The following FOXP2 variants were observed in gnomAD, a reference collection of about 807,000 sequenced individuals.
The protein encoded by FOXP2 is forkhead box protein P2.
FOXP2 carries 12 observed loss-of-function variants against 115.8 expected under a neutral mutation model. The ratio of observed to expected loss-of-function variants is 0.10; its 90% confidence interval spans 0.07 to 0.17. The LOEUF (loss-of-function observed/expected upper bound fraction) is 0.17. Among genes scored for constraint, FOXP2 ranks in the 10% least tolerant of loss-of-function variants. The pLI, the probability that FOXP2 is intolerant of heterozygous loss-of-function variation, is 1.00. For missense variants in FOXP2, 629 were observed against 843.5 expected (o/e 0.75, Z 3.15); for synonymous variants, 328 against 297.7 (o/e 1.10, Z -1.05).
At chr7:114,566,931 C>G (rs1203368248) in intron 3 of FOXP2, among the ~76,000 whole-genome samples, 1 of 151,766 alleles carries the variant, frequency 6.6e-6, no homozygotes, top group Non-Finnish European at 1.5e-5. Flanking sequence ...ATCAACCTTG[C>G]AAAAAATATT....
intron 1 of FOXP2, among the ~76,000 whole-genome samples, chr7:114,280,077 C>CAAATAAATAAAT (rs141041172): frequency 1.7e-4 from 24 of 142,942 alleles, no homozygotes; most frequent in African/African-American, 3.9e-4. Flanking sequence ...GACTCTCAGG[C>CAAATAAATAAAT]AAATAAATAA....
rs61732741 is a variant in FOXP2, at chr7:114,631,671, C to G, written c.741C>G (p.Gly247=). 2 of 1,614,116 alleles carry G rather than the reference C, an allele frequency of 1.2e-6. No homozygotes were observed. The highest frequency in any genetic ancestry group is 2.7e-5 in the African/African-American group (2 of 75,032). The change falls in exon 6 of 17, where the codon GGC becomes GGG. Residue 247 remains glycine (G), a synonymous_variant. Coordinates refer to ENST00000350908, the MANE Select transcript of FOXP2 (RefSeq NM_014491.4). ...AGGGACTCATCTCCATTCCACCTGG[C>G]CAGGCAGCACTTCCTGTCCAATCGC... ...QRQGLISIPP[G]QAALPVQSLP... is the part of the protein sequence containing the mutation.
intron 6 of FOXP2, among the ~76,000 whole-genome samples, chr7:114,638,696 C>T (rs760150908): frequency 3.3e-5 from 5 of 152,098 alleles, no homozygotes; most frequent in Non-Finnish European, 7.4e-5. Context: ...ACTACTAATG[C>T]CTGTGTTTCC....
intron 2 of FOXP2, among the ~76,000 whole-genome samples, chr7:114,330,889 A>G (rs901711894): frequency 1.3e-5 from 2 of 152,222 alleles, no homozygotes; most frequent in Non-Finnish European, 2.9e-5. Context: ...ACAACTGGGA[A>G]TCCCTTCCTT....
At chr7:114,611,802 A>G (rs982247995) in intron 3 of FOXP2, among the ~76,000 whole-genome samples, 7 of 152,186 alleles carry the variant, frequency 4.6e-5, no homozygotes, top group Admixed American at 3.9e-4. Context: ...TTAGTCTAAC[A>G]TAATGATAAC....
At chr7:114,469,012 T>C (rs1795929676) in intron 2 of FOXP2, among the ~76,000 whole-genome samples, 1 of 152,182 alleles carries the variant, frequency 6.6e-6, no homozygotes, top group South Asian at 2.1e-4. Context: ...CCTCTCTTTT[T>C]GGCAACTGAA....
intron 2 of FOXP2, among the ~76,000 whole-genome samples, chr7:114,504,341 CAA>C (rs1797712620): frequency 1.3e-5 from 2 of 151,526 alleles, no homozygotes; most frequent in African/African-American, 4.8e-5. Context: ...TTAAATTTCT[CAA>C]GAGAGTGTTG....
At chr7:114,311,034 A>T (rs1158041394) in intron 2 of FOXP2, among the ~76,000 whole-genome samples, 1 of 152,088 alleles carries the variant, frequency 6.6e-6, no homozygotes, top group African/African-American at 2.4e-5. Context: ...CCACTCGACC[A>T]ATTTCGGAGA....
At chr7:114,196,798 C>T (rs976947696) in intron 1 of FOXP2, among the ~76,000 whole-genome samples, 6 of 152,176 alleles carry the variant, frequency 3.9e-5, no homozygotes, top group African/African-American at 1.4e-4. Context: ...CCCTTATTTA[C>T]ATTTAAAGAC....
intron 1 of FOXP2, among the ~76,000 whole-genome samples, chr7:114,114,683 A>G (rs1411048774): frequency 1.3e-5 from 2 of 152,108 alleles, no homozygotes; most frequent in East Asian, 1.9e-4. Flanking sequence ...CTTTCTTTCA[A>G]GAAGGTTGAA....
chr7:114,191,973 T>C (rs1242348068), intron 1 of FOXP2, among the ~76,000 whole-genome samples: 1 of 152,196 alleles, frequency 6.6e-6, no homozygotes, highest in Non-Finnish European at 1.5e-5. Flanking sequence ...CTCTGTAGTT[T>C]TGCCTTTTCT....
At chr7:114,545,972 G>A (rs1179013623) in intron 3 of FOXP2, among the ~76,000 whole-genome samples, 8 of 151,996 alleles carry the variant, frequency 5.3e-5, no homozygotes, top group Middle Eastern at 3.4e-3. Flanking sequence ...GTATCACACC[G>A]AATCATAATT....
chr7:114,226,604 G>T (rs926566133), intron 1 of FOXP2, among the ~76,000 whole-genome samples: 1 of 152,148 alleles, frequency 6.6e-6, no homozygotes. Flanking sequence ...TAGAAAACTA[G>T]CATTTCCAGC....
At chr7:114,654,118 G>C (rs774861131) in intron 10 of FOXP2, 109 bp downstream of exon 10, 1 of 1,588,674 alleles carries the variant, frequency 6.3e-7, no homozygotes, top group African/African-American at 1.3e-5. Context: ...TGAAAAATAC[G>C]GCAATAAAAT....
At chr7:114,463,156 G>A in intron 2 of FOXP2, 1 of 360,032 alleles carries the variant, frequency 2.8e-6, no homozygotes, top group South Asian at 2.1e-5. Flanking sequence ...AGCCTCTGAA[G>A]TAGCTAGGAC....
intron 2 of FOXP2, among the ~76,000 whole-genome samples, chr7:114,458,921 T>C (rs1250256872): frequency 1.3e-5 from 2 of 152,118 alleles, no homozygotes; most frequent in African/African-American, 4.8e-5. Context: ...GCTAGGTGGC[T>C]TCTGTTCCAC....
chr7:114,673,118 T>TTTA (rs1339710739), intron 16 of FOXP2, among the ~76,000 whole-genome samples: 1 of 152,264 alleles, frequency 6.6e-6, no homozygotes, highest in Non-Finnish European at 1.5e-5. Context: ...TTTGGATTAA[T>TTTA]GATTCAAAGG....
At chr7:114,335,696 G>T (rs889669497) in intron 2 of FOXP2, among the ~76,000 whole-genome samples, 1 of 151,676 alleles carries the variant, frequency 6.6e-6, no homozygotes, top group South Asian at 2.1e-4. Context: ...ATTTAAATGT[G>T]GCCAACCTGA....
intron 2 of FOXP2, among the ~76,000 whole-genome samples, chr7:114,461,663 C>T (rs939335606): frequency 3.3e-5 from 5 of 151,982 alleles, no homozygotes; most frequent in Admixed American, 3.3e-4. Context: ...TATCTTGTGA[C>T]TTTGCCATCT....
Sources: allele counts gnomAD v4.1 joint callset (sites outside exome capture counted in the v4.1 genomes callset), GRCh38; gene constraint gnomAD v4.1.1; transcripts MANE v1.5; gene names NCBI Gene and HGNC (gene_info 2026-07-23, HGNC 2026-07-21).